The following NSD2 variants were observed in gnomAD, a reference collection of about 807,000 sequenced individuals.
The protein encoded by NSD2 is nuclear receptor binding SET domain protein 2.
NSD2 carries 12 observed loss-of-function variants against 139.0 expected under a neutral mutation model. The observed-to-expected ratio is 0.09, with a 90% CI of 0.06 to 0.14. The LOEUF (loss-of-function observed/expected upper bound fraction) is 0.14. Among genes scored for constraint, NSD2 ranks in the 10% least tolerant of loss-of-function variants. The probability of loss-of-function intolerance (pLI) is 1.00; values close to 1 mark genes in which losing one functional copy is unlikely to be tolerated. For synonymous variants in NSD2, 669 were observed against 648.7 expected (o/e 1.03, Z -0.48); for missense variants, 1,155 against 1,745.0 (o/e 0.66, Z 6.02).
rs1723184528 is a variant in NSD2 at position 1,942,334 on chromosome 4, A to G, written c.1881+2556A>G. The G allele has an allele frequency of 6.2e-7, 1 of 1,613,340 alleles. No individual in the cohort carries two copies. The highest frequency in any genetic ancestry group is 8.5e-7 in the Non-Finnish European group (1 of 1,179,856). On this transcript the variant is annotated intron_variant, in intron 9 of 21. Transcript: ENST00000508803. This position sits in a 1 kb window ranked among gnomAD's most constrained non-coding sequence, Gnocchi z 4.0. ...TCTTATTTTTTTCGCCTTCACTGGTAACAGCTTTTGTGGGAGCCCACACCA... is the reference window on the plus strand; with the variant it reads ...TCTTATTTTTTTCGCCTTCACTGGTGACAGCTTTTGTGGGAGCCCACACCA...
intron 7 of NSD2, 74 bp from the exon 8 acceptor site, chr4:1,938,374 TTTC>T (rs1722654105): frequency 3.2e-6 from 4 of 1,232,792 alleles, no homozygotes; most frequent in Non-Finnish European, 4.3e-6. Flanking sequence ...TGTTGTTCTT[TTTC>T]TTTTTTTTTC....
intron 5 of NSD2, among the ~76,000 whole-genome samples, chr4:1,929,702 A>G (rs1404490492): frequency 6.6e-6 from 1 of 152,198 alleles, no homozygotes; most frequent in Non-Finnish European, 1.5e-5. Flanking sequence ...TTTTTCAGAC[A>G]TTGAACAGAA....
chr4:1,896,546 T>A (rs955389979), intron 1 of NSD2, among the ~76,000 whole-genome samples: 1 of 152,152 alleles, frequency 6.6e-6, no homozygotes, highest in Non-Finnish European at 1.5e-5. Flanking sequence ...TTTTATTTTT[T>A]GTAGAGACAG....
At chr4:1,885,151 C>T (rs1315490772) in intron 1 of NSD2, among the ~76,000 whole-genome samples, 1 of 152,034 alleles carries the variant, frequency 6.6e-6, no homozygotes, top group African/African-American at 2.4e-5. Flanking sequence ...AATTCAACTG[C>T]CTGTAACTCC....
Position 1,942,565 on chromosome 4 carries a change from G to A in NSD2, c.1881+2787G>A. The A allele has an allele frequency of 3.7e-6, 5 of 1,364,504 alleles. No individual in the cohort carries two copies. The highest frequency in any genetic ancestry group is 1.8e-5 in the South Asian group (1 of 55,054). The allele number at this position is 1,364,504 out of a possible 1,614,324, so 84.5% of individuals were successfully genotyped here. On this transcript the variant is annotated intron_variant, in intron 9 of 21. Coordinates refer to ENST00000508803, the MANE Select transcript of NSD2 (RefSeq NM_001042424.3). The surrounding 1 kb of genome is among the most constrained non-coding windows in gnomAD (Gnocchi z 4.0). ...AACAGATAACAAATTTTAAGACCAA[G>A]GTAAGATAACTAATCAAGGCCATTT... is the stretch of plus-strand genomic sequence containing the variant.
chr4:1,910,354 T>C (rs962067449), intron 3 of NSD2, among the ~76,000 whole-genome samples: 1 of 152,138 alleles, frequency 6.6e-6, no homozygotes, highest in South Asian at 2.1e-4. Flanking sequence ...GCCTCCCGAG[T>C]AGCTGGCACT....
chr4:1,891,805 C>T (rs534941544), intron 1 of NSD2, among the ~76,000 whole-genome samples: 3 of 148,088 alleles, frequency 2.0e-5, no homozygotes, highest in East Asian at 2.0e-4. Flanking sequence ...TGCAGTGAGC[C>T]GAGATCGCGC....
In NSD2 at chr4:1,914,061, C is replaced by T. The variant is rs150487434; in HGVS notation, c.761-2810C>T. Reference sequence around the variant, plus strand: ...TTTGTGAGGTGGAGTCTTGCTTTGTCGCCCAGGCTAGAGTTCAGTGGCGGG... The same window carrying T: ...TTTGTGAGGTGGAGTCTTGCTTTGTTGCCCAGGCTAGAGTTCAGTGGCGGG... On this transcript the variant is annotated intron_variant, in intron 3 of 21. Coordinates refer to ENST00000508803, the MANE Select transcript of NSD2 (RefSeq NM_001042424.3). Among the ~76,000 whole-genome samples, 1,006 of 152,214 alleles carry T rather than the reference C, an allele frequency of 6.6e-3. 7 individuals carry two copies. The highest frequency in any genetic ancestry group is 0.023 in the African/African-American group (954 of 41,520).
In NSD2 at chr4:1,948,464, C is replaced by T. The variant is rs1174197464; in HGVS notation, c.1882-2608C>T. On this transcript the variant is annotated intron_variant, in intron 9 of 21. Coordinates refer to ENST00000508803, the MANE Select transcript of NSD2 (RefSeq NM_001042424.3). The surrounding 1 kb of genome is among the most constrained non-coding windows in gnomAD (Gnocchi z 4.5). ...AGTAAGGCTTGCTGTGGGACGCCCT[C>T]GTACTTTGCTCTCCTTGCGGGTGGT... 68 of 1,065,670 alleles carry T rather than the reference C, an allele frequency of 6.4e-5. No homozygotes were observed. Among genetic ancestry groups the T allele is most frequent in the Non-Finnish European group, 7.5e-5 (66 of 878,646 alleles). 66.0% of individuals were successfully genotyped at this position (1,065,670 alleles called of 1,614,324 possible). A position where few individuals can be genotyped will look rare whatever the true frequency, so the allele number is the denominator to read the frequency against.
intron 18 of NSD2, among the ~76,000 whole-genome samples, chr4:1,965,799 G>A (rs971750692): frequency 3.3e-5 from 5 of 152,158 alleles, no homozygotes; most frequent in East Asian, 1.9e-4. Flanking sequence ...GAGAGCCCAG[G>A]AAAAACTACC....
chr4:1,924,759 AC>A (rs1180494022), intron 5 of NSD2, among the ~76,000 whole-genome samples: 2 of 151,602 alleles, frequency 1.3e-5, no homozygotes, highest in African/African-American at 2.4e-5. Flanking sequence ...AAAAAAAAAA[AC>A]AAAACAAAAC....
At position 1,961,159 on chromosome 4, in the gene NSD2, G is replaced by A. The variant is rs754815845; in HGVS notation, c.3372+8G>A. 5.6e-6 allele frequency: 9 copies of A among 1,592,936 alleles called. No individual in the cohort carries two copies. Among genetic ancestry groups the A allele is most frequent in the South Asian group, 1.1e-5 (1 of 89,950 alleles). ...ATGCTCACTATAGACAAGGTAATGC[G>A]GAACTCCACTGTGAGCTTCTGCAGT... On this transcript the variant is annotated splice_region_variant and intron_variant, in intron 18 of 21. Coordinates refer to ENST00000508803, the MANE Select transcript of NSD2 (RefSeq NM_001042424.3).
At chr4:1,924,760 C>A (rs1456051337) in intron 5 of NSD2, among the ~76,000 whole-genome samples, 22 of 148,716 alleles carry the variant, frequency 1.5e-4, no homozygotes, top group African/African-American at 2.2e-4. Flanking sequence ...AAAAAAAAAA[C>A]AAAACAAAAC....
In NSD2 at chr4:1,958,506, G is replaced by A. The variant is rs1320852803; in HGVS notation, c.2985+470G>A. 6.6e-6 allele frequency among the ~76,000 whole-genome samples: 1 copy of A among 152,258 alleles called. No homozygotes were observed. The highest frequency in any genetic ancestry group is 2.4e-5 in the African/African-American group (1 of 41,478). ...AGCTCGAGAGCCCCAGCAGGAGGAA[G>A]TGCAGCCAGGGCAGGGCTCTGTGAG... On this transcript the variant is annotated intron_variant, in intron 16 of 21. Transcript: ENST00000508803. The surrounding 1 kb of genome is among the most constrained non-coding windows in gnomAD (Gnocchi z 4.6).
chr4:1,876,509 A>G (rs971884543), intron 1 of NSD2, among the ~76,000 whole-genome samples: 1 of 151,980 alleles, frequency 6.6e-6, no homozygotes, highest in Non-Finnish European at 1.5e-5. Context: ...TGGGCAACAT[A>G]GGGAGACCCC....
intron 7 of NSD2, among the ~76,000 whole-genome samples, chr4:1,936,582 C>A (rs985997570): frequency 6.7e-6 from 1 of 149,750 alleles, no homozygotes; most frequent in Non-Finnish European, 1.5e-5. Flanking sequence ...GCAGGAGAAT[C>A]ACTTGAACCT....
chr4:1,914,389 G>C (rs1043275442), intron 3 of NSD2, among the ~76,000 whole-genome samples: 7 of 151,688 alleles, frequency 4.6e-5, no homozygotes, highest in Non-Finnish European at 2.9e-5. Flanking sequence ...GCGGTGGCAC[G>C]ATCTTGGCTT....
Position 1,981,610 on chromosome 4 carries a change from G to T in NSD2, c.*2701G>T, listed in dbSNP as rs756123835. ...TGTGGGGGAAACTCTTCAGGCACCT[G>T]AAGTGAGAACCCAGCTGTCCGTCCT... On this transcript the variant is annotated 3_prime_UTR_variant, in exon 22 of 22. Transcript: ENST00000508803. 208 of 372,850 alleles carry T rather than the reference G, an allele frequency of 5.6e-4. No individual in the cohort carries two copies. The highest frequency in any genetic ancestry group is 6.8e-4 in the Middle Eastern group (1 of 1,474). The allele number at this position is 372,850 out of a possible 1,614,324, so 23.1% of individuals were successfully genotyped here. A position where few individuals can be genotyped will look rare whatever the true frequency, so the allele number is the denominator to read the frequency against.
chr4:1,918,732 C>T, intron 5 of NSD2, 109 bp downstream of exon 5: 2 of 1,419,622 alleles, frequency 1.4e-6, no homozygotes, highest in Non-Finnish European at 1.9e-6. Context: ...TAACATGAGC[C>T]TTGCATAGAT....
Sources: gnomAD v4.1 joint callset for allele counts (sites outside exome capture counted in the v4.1 genomes callset) on GRCh38, gnomAD v4.1.1 for gene constraint, Gnocchi (gnomAD v3.1) non-coding constraint, MANE v1.5 for transcripts, NCBI Gene and HGNC (gene_info 2026-07-23, HGNC 2026-07-21) for gene names.